The following MAP3K13 variants were observed in gnomAD, a reference collection of about 807,000 sequenced individuals.
The protein encoded by MAP3K13 is leucine zipper-bearing kinase.
MAP3K13 carries 52 observed loss-of-function variants against 104.0 expected under a neutral mutation model. That is an observed-to-expected ratio of 0.50 (90% CI 0.40 to 0.63). MAP3K13 has a LOEUF of 0.63. Ranked by LOEUF, MAP3K13 falls within the 20% of genes least tolerant of loss-of-function variation. The probability of loss-of-function intolerance (pLI) is 0.00; values close to 1 mark genes in which losing one functional copy is unlikely to be tolerated. For missense variants in MAP3K13, 914 were observed against 1,218.5 expected (o/e 0.75, Z 3.72); for synonymous variants, 394 against 442.2 (o/e 0.89, Z 1.37).
chr3:185,372,185 A>G (rs957406312), intron 1 of MAP3K13, among the ~76,000 whole-genome samples: 1 of 152,260 alleles, frequency 6.6e-6, no homozygotes, highest in Non-Finnish European at 1.5e-5. Flanking sequence ...GACCTAAATT[A>G]CAGACCCACT....
chr3:185,296,693 G>A lies in MAP3K13; in HGVS notation c.-86+11050G>A, dbSNP rs539917342. On this transcript the variant is annotated intron_variant, in intron 2 of 14. Coordinates refer to the MAP3K13 transcript ENST00000424227. The stretch of plus-strand genomic sequence containing the variant: ...TGTTGAGAACAGTGACTGACACATG[G>A]TGGGCCCTTAGAACTTATTTATTAG... Among the ~76,000 whole-genome samples the A allele has an allele frequency of 2.0e-5, 3 of 152,202 alleles. No individual in the cohort carries two copies. In the South Asian group the frequency reaches 6.2e-4, roughly 32 times the overall value.
At chr3:185,336,926 G>A (rs1722527389) in intron 2 of MAP3K13, among the ~76,000 whole-genome samples, 2 of 152,046 alleles carry the variant, frequency 1.3e-5, no homozygotes, top group African/African-American at 2.4e-5. Context: ...ATCTGTCTGT[G>A]TCTCAGCTCC....
At position 185,428,523 on chromosome 3, in the gene MAP3K13, A is replaced by G; in HGVS notation, c.-59A>G. On this transcript the variant is annotated 5_prime_UTR_variant, in exon 2 of 14. Transcript: ENST00000265026. Reference sequence around the variant, plus strand: ...TTTTGGAGCCCTCTCTTAAGTCAGAACTCTGTCCCAAAAATCTTCTGAGTG... The same window carrying G: ...TTTTGGAGCCCTCTCTTAAGTCAGAGCTCTGTCCCAAAAATCTTCTGAGTG... 1 of 1,515,830 alleles carries G rather than the reference A, an allele frequency of 6.6e-7. No individual in the cohort carries two copies. The highest frequency in any genetic ancestry group is 1.4e-5 in the South Asian group (1 of 73,568). The allele number at this position is 1,515,830 out of a possible 1,614,324, so 93.9% of individuals were successfully genotyped here. A position where few individuals can be genotyped will look rare whatever the true frequency, so the allele number is the denominator to read the frequency against.
At chr3:185,378,387 A>T (rs937308425) in intron 1 of MAP3K13, among the ~76,000 whole-genome samples, 2 of 152,172 alleles carry the variant, frequency 1.3e-5, no homozygotes, top group African/African-American at 4.8e-5. Context: ...CCTAAACGCT[A>T]TCTGATTTGG....
At chr3:185,300,136 A>G (rs1721049067) in intron 2 of MAP3K13, among the ~76,000 whole-genome samples, 1 of 151,070 alleles carries the variant, frequency 6.6e-6, no homozygotes, top group Non-Finnish European at 1.5e-5. Flanking sequence ...CACTTAACAC[A>G]GTGTCCTCAG....
rs1307515240 is a variant in MAP3K13, at chr3:185,454,554, CA to C, written c.1278+3160del. ...ATATGAGATATATATATGATATATA[CA>C]CATATATATGATATATATGATATAT... On this transcript the variant is annotated intron_variant, in intron 7 of 13. Transcript: ENST00000265026. Among the ~76,000 whole-genome samples the C allele has an allele frequency of 2.8e-3, 46 of 16,262 alleles. 1 individual carries two copies. Among genetic ancestry groups the C allele is most frequent in the South Asian group, 5.3e-3 (2 of 374 alleles). The allele number at this position is 16,262 out of a possible 152,430, so 10.7% of individuals were successfully genotyped here. A position where few individuals can be genotyped will look rare whatever the true frequency, so the allele number is the denominator to read the frequency against.
At chr3:185,293,061 A>G (rs1720799087) in intron 2 of MAP3K13, 1 of 982,694 alleles carries the variant, frequency 1.0e-6, no homozygotes, top group African/African-American at 1.8e-5. Flanking sequence ...AATAAAATGT[A>G]CTTTTTTTTT....
Position 185,373,589 on chromosome 3 carries a change from C to T in MAP3K13, c.-86+10221C>T, listed in dbSNP as rs780306309. On this transcript the variant is annotated intron_variant, in intron 1 of 13. Coordinates refer to ENST00000265026, the MANE Select transcript of MAP3K13 (RefSeq NM_004721.5). ...CCCAGGAGGCGGAGGTTGCAGTGAG[C>T]GGAGATCATGCCACTGCACTCCAGC... Among the ~76,000 whole-genome samples, 9 of 152,232 alleles carry T rather than the reference C, an allele frequency of 5.9e-5. No homozygotes were observed. In the South Asian group the frequency reaches 1.7e-3, roughly 28 times the overall value.
Position 185,449,922 on chromosome 3 carries a change from G to A in MAP3K13, c.1033G>A (p.Glu345Lys). 1.9e-6 allele frequency: 3 copies of A among 1,612,140 alleles called. No individual in the cohort carries two copies. Among genetic ancestry groups the A allele is most frequent in the Non-Finnish European group, 2.5e-6 (3 of 1,179,240 alleles). Residue 345 changes from glutamate (E) to lysine (K), a missense_variant, in exon 6 of 14, where the codon GAG (glutamate) becomes AAG (lysine). Physicochemically the swap from Glu to Lys is moderately conservative, Grantham distance 56. This residue lies in a region of MAP3K13 where 175 missense variants were observed against 321.3 expected (regional missense o/e 0.54). Transcript: ENST00000265026. ...DIWSFGVVLW[E>K]LLTGEIPYKD... ...TAGGTCTTTTGGAGTGGTGCTTTGGGAGCTGCTGACAGGAGAGATCCCTTA... is the reference window on the plus strand; with the variant it reads ...TAGGTCTTTTGGAGTGGTGCTTTGGAAGCTGCTGACAGGAGAGATCCCTTA...
rs1718677651 is a variant in MAP3K13 at position 185,485,598 on chromosome 3, C to T, written c.*3142C>T. 6.6e-6 allele frequency: 1 copy of T among 151,906 alleles called. No individual in the cohort carries two copies. Among genetic ancestry groups the T allele is most frequent in the South Asian group, 2.1e-4 (1 of 4,804 alleles). 9.4% of individuals were successfully genotyped at this position (151,906 alleles called of 1,614,324 possible). ...GTCTCGGTGATCAGATCGACTGTCTCGGTTATCAGATGACTGTATCGCAGT... is the reference window on the plus strand; with the variant it reads ...GTCTCGGTGATCAGATCGACTGTCTTGGTTATCAGATGACTGTATCGCAGT... On this transcript the variant is annotated 3_prime_UTR_variant, in exon 14 of 14. Coordinates refer to ENST00000265026, the MANE Select transcript of MAP3K13 (RefSeq NM_004721.5).
chr3:185,351,555 A>G lies in MAP3K13; in HGVS notation c.-86+65912A>G, dbSNP rs77884584. On this transcript the variant is annotated intron_variant, in intron 2 of 14. Coordinates refer to the MAP3K13 transcript ENST00000424227. The stretch of plus-strand genomic sequence containing the variant: ...CTGGTAATCAATTCCTGGCTCTGCC[A>G]TGAATTCCAAGACTATGGACAAATC... 6.7e-3 allele frequency among the ~76,000 whole-genome samples: 1,025 copies of G among 152,328 alleles called. 15 individuals carry two copies. Among genetic ancestry groups the G allele is most frequent in the African/African-American group, 0.023 (958 of 41,582 alleles).
intron 7 of MAP3K13, among the ~76,000 whole-genome samples, chr3:185,456,416 A>G (rs1006782716): frequency 3.3e-5 from 5 of 152,122 alleles, no homozygotes; most frequent in African/African-American, 7.2e-5. Context: ...CAATTCCCTT[A>G]GCACTATCGC....
At chr3:185,300,553 G>A (rs975032740) in intron 2 of MAP3K13, among the ~76,000 whole-genome samples, 7 of 150,228 alleles carry the variant, frequency 4.7e-5, no homozygotes, top group East Asian at 2.0e-4. Flanking sequence ...GTGCAATGGC[G>A]CCATCTCGGC....
chr3:185,462,529 T>C (rs1054137212), intron 7 of MAP3K13, among the ~76,000 whole-genome samples: 3 of 152,196 alleles, frequency 2.0e-5, no homozygotes, highest in Non-Finnish European at 2.9e-5. Flanking sequence ...TCCCAGCACT[T>C]TGGGAGGCCA....
At chr3:185,422,011 C>A (rs1203178974) in intron 1 of MAP3K13, among the ~76,000 whole-genome samples, 25 of 152,200 alleles carry the variant, frequency 1.6e-4, no homozygotes, top group Admixed American at 1.6e-3. Flanking sequence ...ATGAGGGAAG[C>A]CTATTTGACT....
chr3:185,283,988 C>T (rs1341351822), intron 1 of MAP3K13, among the ~76,000 whole-genome samples: 6 of 146,172 alleles, frequency 4.1e-5, no homozygotes, highest in Admixed American at 4.1e-4. Flanking sequence ...AACCTCCGAC[C>T]CCCTGGTTCA....
intron 2 of MAP3K13, among the ~76,000 whole-genome samples, chr3:185,432,370 T>C (rs1283483596): frequency 2.6e-5 from 4 of 152,040 alleles, no homozygotes; most frequent in Non-Finnish European, 5.9e-5. Context: ...TTTGTGTTTT[T>C]AGTAGAGACA....
intron 2 of MAP3K13, among the ~76,000 whole-genome samples, chr3:185,431,123 G>C (rs530582753): frequency 1.3e-4 from 20 of 152,102 alleles, no homozygotes; most frequent in African/African-American, 3.9e-4. Flanking sequence ...GGGGAGATCC[G>C]CCCCATGATC....
intron 2 of MAP3K13, among the ~76,000 whole-genome samples, chr3:185,345,278 C>T (rs180945928): frequency 2.6e-5 from 4 of 152,204 alleles, no homozygotes; most frequent in East Asian, 1.9e-4. Context: ...CACCTTCTTC[C>T]GGTTAAGGCT....
Sources: gnomAD v4.1 joint callset for allele counts (sites outside exome capture counted in the v4.1 genomes callset) on GRCh38, gnomAD v4.1.1 for gene constraint, gnomAD v4.1.1 regional missense constraint, MANE v1.5 for transcripts, NCBI Gene and HGNC (gene_info 2026-07-23, HGNC 2026-07-21) for gene names.